The following PDE4D variants were observed in gnomAD, a reference collection of about 807,000 sequenced individuals.
The protein encoded by PDE4D is phosphodiesterase 4D.
A neutral mutation model predicts 87.4 loss-of-function variants in PDE4D; 24 were observed. That is an observed-to-expected ratio of 0.27 (90% CI 0.20 to 0.39). The LOEUF (loss-of-function observed/expected upper bound fraction) is 0.39. Ranked by LOEUF, PDE4D falls within the 10% of genes least tolerant of loss-of-function variation. The pLI, the probability that PDE4D is intolerant of heterozygous loss-of-function variation, is 1.00. For missense variants in PDE4D, 714 were observed against 1,041.0 expected (o/e 0.69, Z 4.32); for synonymous variants, 384 against 383.2 (o/e 1.00, Z -0.02).
At chr5:60,232,073 T>C (rs1028711001) in intron 1 of PDE4D, among the ~76,000 whole-genome samples, 5 of 151,912 alleles carry the variant, frequency 3.3e-5, no homozygotes, top group African/African-American at 1.2e-4. Flanking sequence ...ACCAACTGTT[T>C]GTAACTTTGT....
At chr5:59,733,256 A>G (rs1313884404) in intron 1 of PDE4D, among the ~76,000 whole-genome samples, 1 of 152,152 alleles carries the variant, frequency 6.6e-6, no homozygotes, top group African/African-American at 2.4e-5. Context: ...GGAAGGTCAA[A>G]ATCCAAGGGC....
intron 1 of PDE4D, among the ~76,000 whole-genome samples, chr5:59,234,956 C>T (rs1756061888): frequency 6.6e-6 from 1 of 152,034 alleles, no homozygotes; most frequent in African/African-American, 2.4e-5. Flanking sequence ...GTCTTTAAGA[C>T]TTTTAAAAAT....
At chr5:59,892,488 C>A (rs970703188) in intron 1 of PDE4D, among the ~76,000 whole-genome samples, 1 of 152,142 alleles carries the variant, frequency 6.6e-6, no homozygotes, top group African/African-American at 2.4e-5. Context: ...AGCGTCCTCG[C>A]TCCTTCTCCC....
chr5:59,427,951 A>G (rs1292679226), intron 1 of PDE4D, among the ~76,000 whole-genome samples: 4 of 152,348 alleles, frequency 2.6e-5, no homozygotes, highest in Admixed American at 1.3e-4. Context: ...AAAAATTAAA[A>G]GGAAAACATT....
intron 2 of PDE4D, among the ~76,000 whole-genome samples, chr5:59,194,990 T>C (rs1447310202): frequency 6.6e-6 from 1 of 151,940 alleles, no homozygotes; most frequent in African/African-American, 2.4e-5. Flanking sequence ...ATCATAAGAG[T>C]GGGTTGTTAT....
chr5:60,198,111 C>T (rs1197389578), intron 1 of PDE4D, among the ~76,000 whole-genome samples: 1 of 149,444 alleles, frequency 6.7e-6, no homozygotes, highest in Admixed American at 6.7e-5. Context: ...AAATAACAAG[C>T]AACAAAATCA....
intron 1 of PDE4D, among the ~76,000 whole-genome samples, chr5:59,538,146 G>C (rs1815611871): frequency 6.6e-6 from 1 of 152,184 alleles, no homozygotes; most frequent in South Asian, 2.1e-4. Flanking sequence ...ATTCTGCAAT[G>C]CTAAAATTCT....
intron 3 of PDE4D, among the ~76,000 whole-genome samples, chr5:59,942,284 G>A (rs950630951): frequency 6.6e-6 from 1 of 152,210 alleles, no homozygotes; most frequent in Non-Finnish European, 1.5e-5. Flanking sequence ...AAGCCCTCAA[G>A]ATGTTATGCC....
chr5:59,314,834 G>C (rs997971445), intron 1 of PDE4D: 35 of 152,226 alleles, frequency 2.3e-4, no homozygotes, highest in African/African-American at 8.2e-4. Context: ...TAACCTACTA[G>C]ATAAATTTGT....
rs930600783 is a variant in PDE4D, at chr5:58,972,699, G to A, written c.*1965C>T. The A allele has an allele frequency of 2.6e-5, 4 of 152,166 alleles. No homozygotes were observed. The highest frequency in any genetic ancestry group is 9.6e-5 in the African/African-American group (4 of 41,516). 9.4% of individuals were successfully genotyped at this position (152,166 alleles called of 1,614,324 possible). On this transcript the variant is annotated 3_prime_UTR_variant, in exon 15 of 15. Transcript: ENST00000340635. Reference sequence around the variant, plus strand: ...TGGGCTTTAAAGTCTTCATAGAGAAGGTAAAGAAGACTTTATTAAGGCTGA... The same window carrying A: ...TGGGCTTTAAAGTCTTCATAGAGAAAGTAAAGAAGACTTTATTAAGGCTGA...
intron 3 of PDE4D, among the ~76,000 whole-genome samples, chr5:59,932,832 G>A (rs1345456863): frequency 1.3e-5 from 2 of 152,108 alleles, no homozygotes; most frequent in Non-Finnish European, 2.9e-5. Flanking sequence ...AACAAAATTG[G>A]GAAATCTATA....
intron 1 of PDE4D, among the ~76,000 whole-genome samples, chr5:60,207,861 A>G (rs942692255): frequency 6.6e-6 from 1 of 152,246 alleles, no homozygotes; most frequent in Non-Finnish European, 1.5e-5. Context: ...ACTCTTACTC[A>G]TTCCAAATGA....
chr5:59,297,260 A>G (rs999747689), intron 1 of PDE4D, among the ~76,000 whole-genome samples: 13 of 152,208 alleles, frequency 8.5e-5, no homozygotes, highest in African/African-American at 2.7e-4. Context: ...TTAGGCTTCT[A>G]TAAGTGAGAA....
At chr5:59,284,523 C>T (rs1382736291) in intron 1 of PDE4D, among the ~76,000 whole-genome samples, 1 of 151,556 alleles carries the variant, frequency 6.6e-6, no homozygotes, top group Non-Finnish European at 1.5e-5. Context: ...TATCATCTCA[C>T]ACCAGTTAGA....
At position 59,822,019 on chromosome 5, in the gene PDE4D, G is replaced by A. The variant is rs187291093; in HGVS notation, c.455+71149C>T. Among the ~76,000 whole-genome samples the A allele has an allele frequency of 5.9e-3, 897 of 152,062 alleles. 4 individuals carry two copies. The highest frequency in any genetic ancestry group is 0.01 in the Non-Finnish European group (680 of 67,972). On this transcript the variant is annotated intron_variant, in intron 1 of 14. Coordinates refer to ENST00000340635, the MANE Select transcript of PDE4D (RefSeq NM_001104631.2). ...TTTGCATATTTCTTTATTCCCAATC[G>A]TTATAAATAAATTTTAAATGTTTCC...
intron 1 of PDE4D, among the ~76,000 whole-genome samples, chr5:59,771,483 A>AAGAAAGAAAGAAAGAGAGAG (rs1379469312): frequency 7.4e-5 from 4 of 54,402 alleles, no homozygotes; most frequent in African/African-American, 2.7e-4. Flanking sequence ...GAAAGAAAGA[A>AAGAAAGAAAGAAAGAGAGAG]AGAGAGAGAG....
At position 59,083,943 on chromosome 5, in the gene PDE4D, C is replaced by T. The variant is rs546333600; in HGVS notation, c.809-44972G>A. Among the ~76,000 whole-genome samples, 736 of 152,036 alleles carry T rather than the reference C, an allele frequency of 4.8e-3. 3 individuals are homozygous for T. Among genetic ancestry groups the T allele is most frequent in the Non-Finnish European group, 7.9e-3 (536 of 67,956 alleles). On this transcript the variant is annotated intron_variant, in intron 5 of 14. Coordinates refer to ENST00000340635, the MANE Select transcript of PDE4D (RefSeq NM_001104631.2). ...GGAGCTCTGTAGTACTTATAAACTG[C>T]TTATAAGCAACTTAATGCAATTTCA... is the stretch of plus-strand genomic sequence containing the variant.
chr5:60,432,411 T>C (rs184710136), intron 1 of PDE4D, among the ~76,000 whole-genome samples: 19 of 152,320 alleles, frequency 1.2e-4, no homozygotes, highest in Admixed American at 2.6e-4. Context: ...GTAGCCTTTT[T>C]ATTACTGATT....
rs149975633 is a variant in PDE4D, at chr5:59,202,421, G to A, written c.648-8885C>T. Among the ~76,000 whole-genome samples the A allele has an allele frequency of 3.6e-3, 553 of 152,272 alleles. 4 individuals are homozygous for A. The highest frequency in any genetic ancestry group is 0.017 in the Middle Eastern group (5 of 294). ...CTGTTGCCCAGGCTAGAGTGCAGTG[G>A]CACAATTCACAGCTGACTGCAGCCT... On this transcript the variant is annotated intron_variant, in intron 2 of 14. Coordinates refer to ENST00000340635, the MANE Select transcript of PDE4D (RefSeq NM_001104631.2).
Sources: allele counts gnomAD v4.1 joint callset (sites outside exome capture counted in the v4.1 genomes callset), GRCh38; gene constraint gnomAD v4.1.1; transcripts MANE v1.5; gene names NCBI Gene and HGNC (gene_info 2026-07-23, HGNC 2026-07-21).